The following HECW2 variants were observed in gnomAD, a reference collection of about 807,000 sequenced individuals.
The protein encoded by HECW2 is HECT, C2 and WW domain containing E3 ubiquitin protein ligase 2.
A neutral mutation model predicts 175.2 loss-of-function variants in HECW2; 61 were observed. The observed-to-expected ratio is 0.35, with a 90% CI of 0.28 to 0.43. The LOEUF (loss-of-function observed/expected upper bound fraction) is 0.43, where lower values mean the gene tolerates loss of function less well. HECW2 is among the 20% of genes least tolerant of loss of function. The pLI, the probability that HECW2 is intolerant of heterozygous loss-of-function variation, is 1.00. For synonymous variants in HECW2, 671 were observed against 731.0 expected (o/e 0.92, Z 1.32); for missense variants, 1,524 against 2,000.5 (o/e 0.76, Z 4.54).
rs1688688638 is a variant in HECW2, at chr2:196,527,150, T to G, written c.-36+66358A>C. On this transcript the variant is annotated intron_variant, in intron 1 of 28. Transcript: ENST00000644978. ...GCGAGACTCCGTGAGCCTAGGACCC[T>G]CCCAGCCAGGTGTGGGATATAATCT... Among the ~76,000 whole-genome samples the G allele has an allele frequency of 3.3e-5, 5 of 152,226 alleles. No individual in the cohort carries two copies. The South Asian group carries it at 1.0e-3, about 32-fold the overall frequency.
chr2:196,289,618 G>C (rs1297119280), intron 14 of HECW2: 1 of 152,166 alleles, frequency 6.6e-6, no homozygotes, highest in Admixed American at 6.5e-5. Context: ...AATGGCACAG[G>C]TTGAAACTCC....
At chr2:196,511,961 T>C (rs1024019292) in intron 1 of HECW2, among the ~76,000 whole-genome samples, 1 of 152,252 alleles carries the variant, frequency 6.6e-6, no homozygotes, top group African/African-American at 2.4e-5. Context: ...TTTTAGATGG[T>C]GTCCCTCACT....
chr2:196,455,213 T>C (rs1211613251), intron 1 of HECW2, among the ~76,000 whole-genome samples: 7 of 152,304 alleles, frequency 4.6e-5, no homozygotes, highest in African/African-American at 1.7e-4. Flanking sequence ...TTTGCATTTT[T>C]AGTTGAGATG....
chr2:196,433,402 G>A lies in HECW2; in HGVS notation c.22C>T (p.His8Tyr). Residue 8 changes from histidine (H) to tyrosine (Y), a missense_variant, in exon 2 of 29, where the codon CAC becomes TAC. This residue lies in a region of HECW2 where 135 missense variants were observed against 214.6 expected (regional missense o/e 0.63). Transcript: ENST00000644978. MASSAREHLLFVRRRNPQ... is the reference protein window; with the variant it reads MASSAREYLLFVRRRNPQ... Reference sequence around the variant, plus strand: ...TTTCGACGCCTCACAAAAAGCAGGTGCTCCCGGGCTGAACTAGCCATCCCG... The same window carrying A: ...TTTCGACGCCTCACAAAAAGCAGGTACTCCCGGGCTGAACTAGCCATCCCG... The A allele has an allele frequency of 6.2e-7, 1 of 1,613,806 alleles. No homozygotes were observed. Among genetic ancestry groups the A allele is most frequent in the Non-Finnish European group, 8.5e-7 (1 of 1,179,840 alleles).
At chr2:196,388,058 A>G (rs925512578) in intron 2 of HECW2, among the ~76,000 whole-genome samples, 2 of 152,244 alleles carry the variant, frequency 1.3e-5, no homozygotes, top group African/African-American at 2.4e-5. Context: ...TGGGAGACCA[A>G]TGTGGGAGGA....
In HECW2 at chr2:196,319,834, G is replaced by C. The variant is rs61752163; in HGVS notation, c.1056C>G (p.Ser352=). The C allele has an allele frequency of 6.2e-7, 1 of 1,614,036 alleles. No homozygotes were observed. Among genetic ancestry groups the C allele is most frequent in the African/African-American group, 1.3e-5 (1 of 74,906 alleles). ...NSVNGDLGSP[S]DDEDMPGSHH... is the part of the protein sequence containing the mutation. ...GGCTCCCTGGCATGTCCTCGTCATC[G>C]GAAGGGCTACCTAAGTCTCCATTCA... The change falls in exon 9 of 29, where the codon TCC becomes TCG. Residue 352 remains serine (S), a synonymous_variant. Transcript: ENST00000644978.
intron 6 of HECW2, 74 bp downstream of exon 6, chr2:196,324,906 A>G: frequency 7.8e-7 from 1 of 1,284,874 alleles, no homozygotes; most frequent in Non-Finnish European, 1.1e-6. Flanking sequence ...GAGGGATGCA[A>G]AAGTCTCAAG....
chr2:196,462,292 G>A (rs1319236419), intron 1 of HECW2, among the ~76,000 whole-genome samples: 1 of 152,066 alleles, frequency 6.6e-6, no homozygotes, highest in East Asian at 1.9e-4. Flanking sequence ...GGGAAAAATA[G>A]TAATTAAAAA....
chr2:196,554,259 G>C (rs1689715908), intron 1 of HECW2, among the ~76,000 whole-genome samples: 1 of 151,998 alleles, frequency 6.6e-6, no homozygotes, highest in Admixed American at 6.6e-5. Context: ...CCGGAAGGCG[G>C]AGCTTGCAGT....
At chr2:196,251,456 G>A (rs893479365) in intron 19 of HECW2, among the ~76,000 whole-genome samples, 9 of 152,054 alleles carry the variant, frequency 5.9e-5, no homozygotes, top group African/African-American at 2.2e-4. Context: ...TCTCCTGTGC[G>A]CCATGGCTGC....
intron 13 of HECW2, among the ~76,000 whole-genome samples, chr2:196,306,051 G>T (rs1691247140): frequency 6.6e-6 from 1 of 152,116 alleles, no homozygotes; most frequent in Non-Finnish European, 1.5e-5. Context: ...GGAGATGGGG[G>T]CAGGAGGTGA....
intron 18 of HECW2, 74 bp from the exon 19 acceptor site, chr2:196,254,103 G>T: frequency 6.4e-7 from 1 of 1,572,466 alleles, no homozygotes; most frequent in Non-Finnish European, 8.7e-7. Context: ...CAAAGGAGTA[G>T]AATATTCCAT....
Position 196,318,579 on chromosome 2 carries a change from T to C in HECW2, c.2311A>G (p.Thr771Ala), listed in dbSNP as rs773862938. Residue 771 changes from threonine to alanine, a missense_variant, in exon 9 of 29, where the codon ACT (threonine) becomes GCT (alanine). Coordinates refer to ENST00000644978, the MANE Select transcript of HECW2 (RefSeq NM_001348768.2). ...CCAGTAGCGCCCTCCTCCTGGGCAG[T>C]TGCCCCTTCACAGGTGCCTTGGGCC... ...GEAQGTCEGA[T>A]AQEEGATGGS... The C allele has an allele frequency of 4.6e-6, 7 of 1,529,246 alleles. No individual in the cohort carries two copies. The highest frequency in any genetic ancestry group is 2.8e-5 in the African/African-American group (2 of 72,106). 94.7% of individuals were successfully genotyped at this position (1,529,246 alleles called of 1,614,324 possible). A position where few individuals can be genotyped will look rare whatever the true frequency, so the allele number is the denominator to read the frequency against.
chr2:196,307,988 C>G lies in HECW2; in HGVS notation c.2532G>C (p.Pro844=). The part of the protein sequence containing the change: ...TWQRPTAPPA[P]QVLQRSNSIQ... The stretch of plus-strand genomic sequence containing the variant: ...TGGAGTTAGATCTCTGCAGCACCTG[C>G]GGGGCTGGGGGAGCTGTCGGTCGCT... Residue 844 remains proline, a synonymous_variant, in exon 11 of 29, where the codon CCG becomes CCC. Transcript: ENST00000644978. The G allele has an allele frequency of 6.2e-7, 1 of 1,603,792 alleles. No individual in the cohort carries two copies. The highest frequency in any genetic ancestry group is 8.5e-7 in the Non-Finnish European group (1 of 1,172,490).
intron 2 of HECW2, among the ~76,000 whole-genome samples, chr2:196,413,502 T>C (rs1310427665): frequency 6.6e-6 from 1 of 152,036 alleles, no homozygotes; most frequent in Non-Finnish European, 1.5e-5. Context: ...CGCACCACCA[T>C]GCCCGGCTAA....
At chr2:196,266,841 C>CT (rs1689536342) in intron 17 of HECW2, among the ~76,000 whole-genome samples, 3 of 152,126 alleles carry the variant, frequency 2.0e-5, no homozygotes. Flanking sequence ...AAATTAAACT[C>CT]TAACAAAACC....
chr2:196,417,085 A>C (rs961425973), intron 2 of HECW2, among the ~76,000 whole-genome samples: 1 of 152,250 alleles, frequency 6.6e-6, no homozygotes, highest in Non-Finnish European at 1.5e-5. Context: ...TACTTAATCC[A>C]TCTAAGCCTT....
At chr2:196,237,803 G>GT (rs1251225267) in intron 21 of HECW2, among the ~76,000 whole-genome samples, 1 of 152,080 alleles carries the variant, frequency 6.6e-6, no homozygotes, top group Non-Finnish European at 1.5e-5. Context: ...TGGCTCCTGG[G>GT]TTTTTTCAAC....
intron 14 of HECW2, among the ~76,000 whole-genome samples, chr2:196,283,377 C>CT (rs745802743): frequency 0.013 from 1,782 of 135,504 alleles, 27 homozygotes; most frequent in African/African-American, 0.037. Flanking sequence ...AGAGAATACA[C>CT]TTTTTTTTTT....
Sources: allele counts gnomAD v4.1 joint callset (sites outside exome capture counted in the v4.1 genomes callset), GRCh38; gene constraint gnomAD v4.1.1; regional missense constraint gnomAD v4.1.1; transcripts MANE v1.5; gene names NCBI Gene and HGNC (gene_info 2026-07-23, HGNC 2026-07-21).